The following FXN variants were observed in gnomAD, a reference collection of about 807,000 sequenced individuals.
FXN encodes frataxin.
Under a neutral mutation model 22.4 loss-of-function variants are expected in FXN, and 14 were observed. That is an observed-to-expected ratio of 0.62 (90% confidence interval 0.41 to 0.98). The LOEUF is 0.98. FXN is among the 50% of genes least tolerant of loss of function. The pLI is 0.00. For synonymous variants in FXN, 120 were observed against 114.1 expected (o/e 1.05, Z -0.33); for missense variants, 267 against 268.4 (o/e 0.99, Z 0.04).
rs113169495 is a variant in FXN, at chr9:69,069,304, G to A, written c.483-3308G>A. On this transcript the variant is annotated intron_variant, in intron 4 of 4. Coordinates refer to ENST00000484259, the MANE Select transcript of FXN (RefSeq NM_000144.5). ...TGCTTGAACCCAGGAGGCGAAGGTT[G>A]TAACGAACTGAAATCGTGCCACAGC... 2.7e-3 allele frequency among the ~76,000 whole-genome samples: 417 copies of A among 152,310 alleles called. 3 individuals carry two copies. Among genetic ancestry groups the A allele is most frequent in the African/African-American group, 9.3e-3 (387 of 41,560 alleles).
chr9:69,074,299 C>G lies in FXN; in HGVS notation c.*1537C>G. 7 of 985,232 alleles carry G rather than the reference C, an allele frequency of 7.1e-6. No individual in the cohort carries two copies. Among genetic ancestry groups the G allele is most frequent in the Non-Finnish European group, 8.4e-6 (7 of 829,814 alleles). 61.0% of individuals were successfully genotyped at this position (985,232 alleles called of 1,614,324 possible). A position where few individuals can be genotyped will look rare whatever the true frequency, so the allele number is the denominator to read the frequency against. On this transcript the variant is annotated 3_prime_UTR_variant, in exon 5 of 5. Coordinates refer to ENST00000484259, the MANE Select transcript of FXN (RefSeq NM_000144.5). The stretch of plus-strand genomic sequence containing the variant: ...AATTTTTACTGACCTGCACTTTATA[C>G]AAAGCAACAAGCCTCCAGGACATTA...
chr9:69,070,715 A>G (rs1303166700), intron 4 of FXN, among the ~76,000 whole-genome samples: 1 of 151,876 alleles, frequency 6.6e-6, no homozygotes, highest in Non-Finnish European at 1.5e-5. Flanking sequence ...GTTGTTTAAT[A>G]TAAAAAAAAT....
chr9:69,059,032 C>T (rs1032545474), intron 3 of FXN, among the ~76,000 whole-genome samples: 3 of 151,892 alleles, frequency 2.0e-5, no homozygotes, highest in Non-Finnish European at 4.4e-5. Context: ...CCCGCCACTG[C>T]ACTCCAGCCT....
At position 69,076,063 on chromosome 9, in the gene FXN, A is replaced by G; in HGVS notation, c.*3301A>G. Reference sequence around the variant, plus strand: ...GTGGGTAGAACCTCAGCCACATAGAAAATAAAATGTTCTGGCATGACTTAT... The same window carrying G: ...GTGGGTAGAACCTCAGCCACATAGAGAATAAAATGTTCTGGCATGACTTAT... On this transcript the variant is annotated 3_prime_UTR_variant, in exon 5 of 5. Transcript: ENST00000484259. 1.0e-6 allele frequency: 1 copy of G among 984,426 alleles called. No homozygotes were observed. Among genetic ancestry groups the G allele is most frequent in the Non-Finnish European group, 1.2e-6 (1 of 829,058 alleles). The allele number at this position is 984,426 out of a possible 1,614,324, so 61.0% of individuals were successfully genotyped here. A position where few individuals can be genotyped will look rare whatever the true frequency, so the allele number is the denominator to read the frequency against.
At position 69,078,457 on chromosome 9, in the gene FXN, G is replaced by GC. The variant is rs893523642; in HGVS notation, c.*5698dup. On this transcript the variant is annotated 3_prime_UTR_variant, in exon 5 of 5. Transcript: ENST00000484259. Reference sequence around the variant, plus strand: ...TATCCACCTTCCTCCTTTTCTCTCAGCCCATCATCTAGCTACACAGTCTCC... The same window carrying GC: ...TATCCACCTTCCTCCTTTTCTCTCAGCCCCATCATCTAGCTACACAGTCTCC... 4 of 985,168 alleles carry GC rather than the reference G, an allele frequency of 4.1e-6. No individual in the cohort carries two copies. The African/African-American group carries it at 7.0e-5, about 17-fold the overall frequency. 61.0% of individuals were successfully genotyped at this position (985,168 alleles called of 1,614,324 possible).
chr9:69,072,790 A>T lies in FXN; in HGVS notation c.*28A>T. 1 of 1,613,946 alleles carries T rather than the reference A, an allele frequency of 6.2e-7. No individual in the cohort carries two copies. Among genetic ancestry groups the T allele is most frequent in the Non-Finnish European group, 8.5e-7 (1 of 1,180,026 alleles). On this transcript the variant is annotated 3_prime_UTR_variant, in exon 5 of 5. Transcript: ENST00000484259. ...CCCAGCCCCGTTTTAAGGACATTAA[A>T]AGCTATCAGGCCAAGACCCCAGCTT...
intron 1 of FXN, 186 bp downstream of exon 1, chr9:69,036,133 T>A (rs1831548107): frequency 2.6e-6 from 1 of 380,430 alleles, no homozygotes; most frequent in African/African-American, 2.1e-5. Flanking sequence ...GTTCTCCCGG[T>A]TGCATTTACA....
At chr9:69,043,981 C>G (rs1029361611) in intron 1 of FXN, among the ~76,000 whole-genome samples, 1 of 152,120 alleles carries the variant, frequency 6.6e-6, no homozygotes, top group African/African-American at 2.4e-5. Flanking sequence ...CCTTGGCCTC[C>G]CAAAGTGCGG....
chr9:69,064,432 C>A lies in FXN; in HGVS notation c.385-506C>A, dbSNP rs541370565. 5.3e-5 allele frequency among the ~76,000 whole-genome samples: 8 copies of A among 152,334 alleles called. No homozygotes were observed. In the East Asian group the frequency reaches 1.5e-3, roughly 29 times the overall value. Reference sequence around the variant, plus strand: ...TCTACCAACAGAGCTGAAGCTAATGCTCTCCTAAGACAAGCAAAGCAGATG... The same window carrying A: ...TCTACCAACAGAGCTGAAGCTAATGATCTCCTAAGACAAGCAAAGCAGATG... On this transcript the variant is annotated intron_variant, in intron 3 of 4. Transcript: ENST00000484259.
chr9:69,063,771 C>T (rs1363011613), intron 3 of FXN, among the ~76,000 whole-genome samples: 1 of 152,148 alleles, frequency 6.6e-6, no homozygotes, highest in Non-Finnish European at 1.5e-5. Context: ...GCAGCCTCAA[C>T]CTCCTGGGCT....
At chr9:69,071,508 G>A (rs912321422) in intron 4 of FXN, among the ~76,000 whole-genome samples, 6 of 152,120 alleles carry the variant, frequency 3.9e-5, no homozygotes, top group South Asian at 2.1e-4. Flanking sequence ...ATCTGCTGCC[G>A]TGGCCAATCA....
In FXN at chr9:69,058,566, C is replaced by T. The variant is rs186284045; in HGVS notation, c.384+5306C>T. Among the ~76,000 whole-genome samples, 22 of 151,622 alleles carry T rather than the reference C, an allele frequency of 1.5e-4. No homozygotes were observed. The East Asian group carries it at 2.7e-3, about 19-fold the overall frequency. On this transcript the variant is annotated intron_variant, in intron 3 of 4. Transcript: ENST00000484259. ...CTAAGAATCTGATGACTGCTCTGGT[C>T]CCTCTCCCAATAAAAACTTCCATAC...
At chr9:69,046,335 G>A (rs1831751949) in intron 1 of FXN, 50 bp from the exon 2 acceptor site, 2 of 1,351,540 alleles carry the variant, frequency 1.5e-6, no homozygotes, top group Middle Eastern at 1.8e-4. Context: ...GCATTAATGG[G>A]TTATAATTCA....
At position 69,078,327 on chromosome 9, in the gene FXN, C is replaced by G; in HGVS notation, c.*5565C>G. On this transcript the variant is annotated 3_prime_UTR_variant, in exon 5 of 5. Coordinates refer to ENST00000484259, the MANE Select transcript of FXN (RefSeq NM_000144.5). Reference sequence around the variant, plus strand: ...TCCTCTTGCCAGTCCATCAGCAGTTCCCCTTGAAAGTTTCACCAAACATCC... The same window carrying G: ...TCCTCTTGCCAGTCCATCAGCAGTTGCCCTTGAAAGTTTCACCAAACATCC... 2.0e-6 allele frequency: 2 copies of G among 985,476 alleles called. No homozygotes were observed. The highest frequency in any genetic ancestry group is 2.4e-6 in the Non-Finnish European group (2 of 829,980). The allele number at this position is 985,476 out of a possible 1,614,324, so 61.0% of individuals were successfully genotyped here.
intron 1 of FXN, among the ~76,000 whole-genome samples, chr9:69,039,002 C>T (rs1476717252): frequency 1.3e-5 from 2 of 152,042 alleles, no homozygotes; most frequent in African/African-American, 4.8e-5. Context: ...CCTGTAATCC[C>T]AGCACTTTGG....
At chr9:69,040,259 C>T (rs1831632009) in intron 1 of FXN, among the ~76,000 whole-genome samples, 1 of 152,216 alleles carries the variant, frequency 6.6e-6, no homozygotes. Context: ...ACCTGTGATC[C>T]TATGACCTTT....
chr9:69,040,942 TG>T (rs1233015807), intron 1 of FXN, among the ~76,000 whole-genome samples: 3 of 152,182 alleles, frequency 2.0e-5, no homozygotes, highest in Admixed American at 2.0e-4. Context: ...CCAAAGCTGT[TG>T]GTGCATTGAT....
intron 1 of FXN, among the ~76,000 whole-genome samples, chr9:69,043,019 A>G (rs1314110736): frequency 5.3e-5 from 8 of 152,176 alleles, no homozygotes; most frequent in Admixed American, 4.6e-4. Context: ...TCATTCGTTA[A>G]GAGTCTGTAC....
chr9:69,059,391 C>CT (rs35159671), intron 3 of FXN, among the ~76,000 whole-genome samples: 14,683 of 61,830 alleles, frequency 0.24, 4,872 homozygotes, highest in Middle Eastern at 0.29. Context: ...GAGGCAGCAT[C>CT]TTTTTTTTTT....
Sources: gnomAD v4.1 joint callset for allele counts (sites outside exome capture counted in the v4.1 genomes callset) on GRCh38, gnomAD v4.1.1 for gene constraint, MANE v1.5 for transcripts, NCBI Gene and HGNC (gene_info 2026-07-23, HGNC 2026-07-21) for gene names.